The following MRAS variants were observed in gnomAD, a reference collection of about 807,000 sequenced individuals.
The protein encoded by MRAS is ras-related protein M-Ras.
In MRAS, 4 loss-of-function variants were observed where a neutral mutation model predicts 20.9. The ratio of observed to expected loss-of-function variants is 0.19; its 90% CI spans 0.09 to 0.44. The LOEUF (loss-of-function observed/expected upper bound fraction) is 0.44, where lower values mean the gene tolerates loss of function less well. Among genes scored for constraint, MRAS ranks in the 20% least tolerant of loss-of-function variants. The probability of loss-of-function intolerance (pLI) is 0.99; values close to 1 mark genes in which losing one functional copy is unlikely to be tolerated. For synonymous variants in MRAS, 98 were observed against 102.9 expected (o/e 0.95, Z 0.29); for missense variants, 154 against 277.5 (o/e 0.56, Z 3.16).
chr3:138,402,417 G>C lies in MRAS; in HGVS notation c.*148G>C. The C allele has an allele frequency of 4.2e-6, 3 of 710,786 alleles. No homozygotes were observed. The highest frequency in any genetic ancestry group is 7.0e-6 in the Non-Finnish European group (3 of 427,950). 44.0% of individuals were successfully genotyped at this position (710,786 alleles called of 1,614,324 possible). ...GAGAAGGGCAGGTGGGCAGGGAGCA[G>C]ACAGGGTCTGGCTTTGCCCAGAGGG... On this transcript the variant is annotated 3_prime_UTR_variant, in exon 6 of 6. Transcript: ENST00000423968.
intron 1 of MRAS, among the ~76,000 whole-genome samples, chr3:138,368,261 T>A (rs2054603279): frequency 2.0e-5 from 3 of 152,126 alleles, no homozygotes; most frequent in Admixed American, 6.5e-5. Context: ...AGGCTGGGAA[T>A]GAGAGAGAGT....
chr3:138,360,927 G>A (rs886200856), intron 1 of MRAS, among the ~76,000 whole-genome samples: 1 of 152,198 alleles, frequency 6.6e-6, no homozygotes, highest in African/African-American at 2.4e-5. Flanking sequence ...ATGAAGAGGG[G>A]CATGCCGAGC....
intron 2 of MRAS, among the ~76,000 whole-genome samples, chr3:138,383,659 C>T (rs182139316): frequency 1.3e-4 from 20 of 152,292 alleles, no homozygotes; most frequent in Admixed American, 1.3e-3. Flanking sequence ...GTGAATTGAA[C>T]CCTGAGTCCT....
At chr3:138,389,076 G>A (rs2055075243) in intron 2 of MRAS, among the ~76,000 whole-genome samples, 1 of 152,004 alleles carries the variant, frequency 6.6e-6, no homozygotes, top group Non-Finnish European at 1.5e-5. Flanking sequence ...TCCTGACCTC[G>A]TGATCCGCCC....
chr3:138,374,468 G>A (rs577912382), intron 2 of MRAS, among the ~76,000 whole-genome samples: 122 of 152,254 alleles, frequency 8.0e-4, no homozygotes, highest in African/African-American at 2.8e-3. Flanking sequence ...ACTAGTTCTA[G>A]TATCTTTTTT....
intron 3 of MRAS, 32 bp from the exon 4 acceptor site, chr3:138,398,437 C>T: frequency 6.3e-7 from 1 of 1,595,454 alleles, no homozygotes; most frequent in Non-Finnish European, 8.6e-7. Flanking sequence ...GTGGTGGAAA[C>T]CTCACAGAGC....
intron 1 of MRAS, among the ~76,000 whole-genome samples, chr3:138,367,357 G>A (rs1466712424): frequency 1.3e-5 from 2 of 152,178 alleles, no homozygotes; most frequent in Non-Finnish European, 2.9e-5. Context: ...AGGTCACACA[G>A]GGAGTCTGTA....
At position 138,402,335 on chromosome 3, in the gene MRAS, C is replaced by T. The variant is rs1279000846; in HGVS notation, c.*66C>T. ...GCCCTCGGGACCCCTCCCCACCTAA[C>T]TGCACTGAAACCATTTCTAACCACA... On this transcript the variant is annotated 3_prime_UTR_variant, in exon 6 of 6. Transcript: ENST00000423968. 3.0e-6 allele frequency: 4 copies of T among 1,352,404 alleles called. No homozygotes were observed. The highest frequency in any genetic ancestry group is 2.9e-5 in the African/African-American group (2 of 69,076). The allele number at this position is 1,352,404 out of a possible 1,614,324, so 83.8% of individuals were successfully genotyped here.
intron 1 of MRAS, among the ~76,000 whole-genome samples, chr3:138,366,157 G>C (rs940881512): frequency 6.6e-5 from 10 of 152,246 alleles, no homozygotes; most frequent in African/African-American, 2.4e-4. Context: ...CTCTGGTGAA[G>C]CTGCCCATTT....
At chr3:138,353,713 A>G (rs560075977) in intron 1 of MRAS, among the ~76,000 whole-genome samples, 71 of 152,230 alleles carry the variant, frequency 4.7e-4, no homozygotes, top group African/African-American at 1.5e-3. Context: ...CTCTCCATCC[A>G]TCTTTCCTTC....
chr3:138,365,642 C>T (rs568756016), intron 1 of MRAS, among the ~76,000 whole-genome samples: 43 of 152,334 alleles, frequency 2.8e-4, no homozygotes, highest in African/African-American at 1.0e-3. Context: ...AGGCAGGCTA[C>T]CCCTAAAGGT....
intron 1 of MRAS, among the ~76,000 whole-genome samples, chr3:138,351,475 G>A (rs2054226137): frequency 6.6e-6 from 1 of 152,136 alleles, no homozygotes; most frequent in East Asian, 1.9e-4. Context: ...CACCTGGCAG[G>A]TACCCATTGT....
intron 1 of MRAS, among the ~76,000 whole-genome samples, chr3:138,368,622 A>T (rs1270724138): frequency 6.6e-6 from 1 of 152,152 alleles, no homozygotes; most frequent in Non-Finnish European, 1.5e-5. Flanking sequence ...CATCATCCTC[A>T]AAAGTGAAGA....
intron 1 of MRAS, chr3:138,350,556 A>T (rs1466217331): frequency 2.0e-5 from 3 of 152,174 alleles, no homozygotes; most frequent in Non-Finnish European, 4.4e-5. Context: ...GGTAGGCGGT[A>T]GTCAAGGCCC....
Position 138,391,954 on chromosome 3 carries a change from A to G in MRAS, c.194-5370A>G, listed in dbSNP as rs146481487. On this transcript the variant is annotated intron_variant, in intron 2 of 5. Transcript: ENST00000423968. ...GGAGATTGAGACCATCCTGGCCAAC[A>G]TGGTGAAACTCTGTCTCTACTAAAA... 3.8e-3 allele frequency among the ~76,000 whole-genome samples: 584 copies of G among 152,290 alleles called. 8 individuals are homozygous for G. Among genetic ancestry groups the G allele is most frequent in the African/African-American group, 0.012 (505 of 41,564 alleles).
At chr3:138,355,954 A>C (rs1560160750) in intron 1 of MRAS, among the ~76,000 whole-genome samples, 1 of 152,060 alleles carries the variant, frequency 6.6e-6, no homozygotes, top group East Asian at 1.9e-4. Flanking sequence ...AAATAGCACC[A>C]CCAGATCCTT....
intron 1 of MRAS, among the ~76,000 whole-genome samples, chr3:138,351,967 C>A (rs2054237241): frequency 6.6e-6 from 1 of 152,198 alleles, no homozygotes; most frequent in Non-Finnish European, 1.5e-5. Flanking sequence ...CTCTAATGTT[C>A]ATGGCAGACC....
At chr3:138,387,309 A>C (rs1450771905) in intron 2 of MRAS, among the ~76,000 whole-genome samples, 1 of 152,194 alleles carries the variant, frequency 6.6e-6, no homozygotes, top group East Asian at 1.9e-4. Context: ...GTTTGGTGTA[A>C]GCAAGTGGGG....
intron 1 of MRAS, among the ~76,000 whole-genome samples, chr3:138,368,005 A>T (rs543776396): frequency 6.6e-6 from 1 of 152,364 alleles, no homozygotes; most frequent in African/African-American, 2.4e-5. Context: ...TTGGGTTGCC[A>T]TGCAGCCTGT....
Sources: gnomAD v4.1 joint callset for allele counts (sites outside exome capture counted in the v4.1 genomes callset) on GRCh38, gnomAD v4.1.1 for gene constraint, MANE v1.5 for transcripts, NCBI Gene and HGNC (gene_info 2026-07-23, HGNC 2026-07-21) for gene names.